KIF16B: variants seen among roughly 807,000 people sequenced by gnomAD.
KIF16B encodes the protein kinesin-like protein KIF16B.
A neutral mutation model predicts 156.3 loss-of-function variants in KIF16B; 98 were observed. The ratio of observed to expected loss-of-function variants is 0.63; its 90% CI spans 0.53 to 0.74. The LOEUF (loss-of-function observed/expected upper bound fraction) is 0.74, where lower values mean the gene tolerates loss of function less well. KIF16B is among the 30% of genes least tolerant of loss of function. The probability of loss-of-function intolerance (pLI) is 0.00; values close to 1 mark genes in which losing one functional copy is unlikely to be tolerated. For missense variants in KIF16B, 1,421 were observed against 1,606.5 expected (o/e 0.88, Z 1.97); for synonymous variants, 564 against 583.7 (o/e 0.97, Z 0.49).
chr20:16,357,134 C>G (rs1277174126), intron 22 of KIF16B, among the ~76,000 whole-genome samples: 1 of 152,142 alleles, frequency 6.6e-6, no homozygotes, highest in Admixed American at 6.5e-5. Flanking sequence ...GAAGAAATCT[C>G]TGAACAATCC....
rs77961574 is a variant in KIF16B at position 16,572,020 on chromosome 20, A to G, written c.47+1209T>C. 1.7e-3 allele frequency among the ~76,000 whole-genome samples: 259 copies of G among 152,362 alleles called. 11 individuals carry two copies. The East Asian group carries it at 0.042, about 25-fold the overall frequency. ...AGAACTTCTATACACATGAAAATCC[A>G]TAATAAAGAAAAATCGTTCTAAAGT... On this transcript the variant is annotated intron_variant, in intron 1 of 25. Transcript: ENST00000354981.
intron 22 of KIF16B, chr20:16,368,461 G>C (rs1186508357): frequency 1.0e-6 from 1 of 986,214 alleles, no homozygotes; most frequent in Non-Finnish European, 1.2e-6. Flanking sequence ...TCTGACGAAT[G>C]TTGTTACCTG....
intron 1 of KIF16B, among the ~76,000 whole-genome samples, chr20:16,530,509 G>C (rs1356210795): frequency 6.6e-6 from 1 of 152,136 alleles, no homozygotes; most frequent in African/African-American, 2.4e-5. Context: ...CCCGCTAGCA[G>C]CACGCCAGAC....
chr20:16,369,788 A>C (rs908300679), intron 22 of KIF16B, among the ~76,000 whole-genome samples: 5 of 152,116 alleles, frequency 3.3e-5, no homozygotes, highest in Non-Finnish European at 7.3e-5. Context: ...AGTAATTATC[A>C]TTACTCTTAT....
chr20:16,329,985 A>C (rs1375973138), intron 24 of KIF16B, among the ~76,000 whole-genome samples: 1 of 152,200 alleles, frequency 6.6e-6, no homozygotes, highest in Non-Finnish European at 1.5e-5. Context: ...AAAGTACAAA[A>C]AATTTAGGTT....
At chr20:16,343,083 T>C (rs559708674) in intron 23 of KIF16B, among the ~76,000 whole-genome samples, 20 of 152,182 alleles carry the variant, frequency 1.3e-4, no homozygotes, top group Non-Finnish European at 2.8e-4. Context: ...AAACACTGAA[T>C]TATTTTATTT....
chr20:16,318,463 G>T (rs1335230366), intron 24 of KIF16B, among the ~76,000 whole-genome samples: 1 of 152,168 alleles, frequency 6.6e-6, no homozygotes, highest in Admixed American at 6.6e-5. Flanking sequence ...CTGATTCCAG[G>T]ATGGGGCAGG....
At position 16,356,356 on chromosome 20, in the gene KIF16B, C is replaced by T; in HGVS notation, c.3595G>A (p.Asp1199Asn). The T allele has an allele frequency of 1.9e-6, 3 of 1,614,172 alleles. No individual in the cohort carries two copies. The East Asian group carries it at 6.7e-5, about 36-fold the overall frequency. ...TTGACCTCAAACTCGAAGTGTGCATCCTTTCCTTGCCCGCAGAGGACGTAG... is the reference window on the plus strand; with the variant it reads ...TTGACCTCAAACTCGAAGTGTGCATTCTTTCCTTGCCCGCAGAGGACGTAG... ...PRYVLCGQGKDAHFEFEVKIT... is the reference protein window; with the variant it reads ...PRYVLCGQGKNAHFEFEVKIT... The change falls in exon 23 of 26, where the codon GAT (aspartate) becomes AAT (asparagine). Residue 1199 changes from aspartate to asparagine, a missense_variant. Physicochemically the swap from Asp to Asn is conservative, Grantham distance 23. Transcript: ENST00000354981.
chr20:16,407,574 T>C (rs1445788806), intron 15 of KIF16B, among the ~76,000 whole-genome samples: 1 of 152,056 alleles, frequency 6.6e-6, no homozygotes, highest in Non-Finnish European at 1.5e-5. Context: ...GTGTTCCATG[T>C]TGGGTAATTG....
chr20:16,487,601 TG>T (rs1204624363), intron 12 of KIF16B, among the ~76,000 whole-genome samples: 2 of 152,212 alleles, frequency 1.3e-5, no homozygotes, highest in Non-Finnish European at 2.9e-5. Context: ...AGATATAAGC[TG>T]GTTGAAAGCA....
intron 1 of KIF16B, among the ~76,000 whole-genome samples, chr20:16,566,816 G>A (rs1390874065): frequency 1.3e-5 from 2 of 152,162 alleles, no homozygotes; most frequent in Non-Finnish European, 2.9e-5. Flanking sequence ...TGTGCCTAAT[G>A]CAATTAACTA....
intron 3 of KIF16B, among the ~76,000 whole-genome samples, chr20:16,518,286 C>T (rs945489215): frequency 3.9e-5 from 6 of 152,174 alleles, no homozygotes; most frequent in African/African-American, 1.4e-4. Flanking sequence ...GAGGATGCAC[C>T]GAGCATCGCC....
At chr20:16,350,892 T>TGG (rs11458912) in intron 23 of KIF16B, among the ~76,000 whole-genome samples, 115 of 88,370 alleles carry the variant, frequency 1.3e-3, no homozygotes, top group African/African-American at 4.2e-3. Flanking sequence ...GGGTGGGCAC[T>TGG]GGGGGGGGGT....
chr20:16,468,001 T>C (rs1308515057), intron 12 of KIF16B, among the ~76,000 whole-genome samples: 3 of 152,080 alleles, frequency 2.0e-5, no homozygotes, highest in Non-Finnish European at 4.4e-5. Context: ...CAGTAACAAA[T>C]ACGATAAATA....
intron 16 of KIF16B, among the ~76,000 whole-genome samples, chr20:16,405,279 G>A (rs536529290): frequency 3.3e-5 from 5 of 152,110 alleles, no homozygotes; most frequent in Admixed American, 1.3e-4. Context: ...CACTTAGAAC[G>A]ATAAAGAAGA....
At chr20:16,397,112 G>A (rs1249306357) in intron 17 of KIF16B, among the ~76,000 whole-genome samples, 1 of 152,200 alleles carries the variant, frequency 6.6e-6, no homozygotes, top group East Asian at 1.9e-4. Context: ...TGCCAAATTA[G>A]CTGCCTGTTT....
intron 7 of KIF16B, 91 bp from the exon 8 acceptor site, chr20:16,506,281 T>C (rs1334361817): frequency 9.3e-7 from 1 of 1,079,084 alleles, no homozygotes; most frequent in Admixed American, 1.8e-5. Flanking sequence ...TGCTCCTCAC[T>C]GAGATCTCTC....
At chr20:16,297,548 T>C (rs990729971) in intron 25 of KIF16B, among the ~76,000 whole-genome samples, 2 of 151,684 alleles carry the variant, frequency 1.3e-5, no homozygotes, top group Non-Finnish European at 2.9e-5. Flanking sequence ...TGCAAAAAAT[T>C]AGCTGGGCGT....
rs73095071 is a variant in KIF16B at position 16,433,602 on chromosome 20, G to C, written c.1303-3620C>G. ...GTAGACACACACACACACACACAGAGACACACACACTCACACACACACACA... is the reference window on the plus strand; with the variant it reads ...GTAGACACACACACACACACACAGACACACACACACTCACACACACACACA... On this transcript the variant is annotated intron_variant, in intron 12 of 25. Coordinates refer to ENST00000354981, the MANE Select transcript of KIF16B (RefSeq NM_024704.5). 1.1e-4 allele frequency among the ~76,000 whole-genome samples: 16 copies of C among 147,686 alleles called. No homozygotes were observed. In the East Asian group the frequency reaches 3.2e-3, roughly 29 times the overall value.
Sources: gnomAD v4.1 joint callset for allele counts (sites outside exome capture counted in the v4.1 genomes callset) on GRCh38, gnomAD v4.1.1 for gene constraint, MANE v1.5 for transcripts, NCBI Gene and HGNC (gene_info 2026-07-23, HGNC 2026-07-21) for gene names.